Variants in ENTREP2 observed in about 807,000 individuals in gnomAD.
The protein encoded by ENTREP2 is protein ENTREP2.
the ENTREP2 span, among the ~76,000 whole-genome samples, chr15:29,441,909 C>T: frequency 6.6e-6 from 1 of 152,182 alleles, no homozygotes; most frequent in Non-Finnish European, 1.5e-5. Context: ...CCAGTCCAGG[C>T]CCATCTGCTG....
chr15:29,486,388 G>GA, the ENTREP2 span, among the ~76,000 whole-genome samples: 7 of 151,884 alleles, frequency 4.6e-5, no homozygotes, highest in African/African-American at 9.7e-5. Flanking sequence ...CATAAAAAAA[G>GA]AAAAAAAAGA....
the ENTREP2 span, among the ~76,000 whole-genome samples, chr15:29,543,821 A>G: frequency 9.7e-4 from 148 of 151,828 alleles, no homozygotes; most frequent in African/African-American, 2.6e-3. Flanking sequence ...CAAACCCACA[A>G]TCTGACTTTA....
chr15:29,642,676 G>C, the ENTREP2 span, among the ~76,000 whole-genome samples: 4 of 151,526 alleles, frequency 2.6e-5, no homozygotes, highest in Non-Finnish European at 1.5e-5. Context: ...GCAGTGGCAC[G>C]ATCTCGGCTC....
At chr15:29,237,972 G>A in the ENTREP2 span, among the ~76,000 whole-genome samples, 7 of 152,176 alleles carry the variant, frequency 4.6e-5, no homozygotes, top group Admixed American at 1.3e-4. Context: ...ATGGATGAGC[G>A]GATAAACAAA....
At chr15:29,420,818 C>T in the ENTREP2 span, among the ~76,000 whole-genome samples, 3 of 152,204 alleles carry the variant, frequency 2.0e-5, no homozygotes, top group Non-Finnish European at 4.4e-5. Flanking sequence ...AACATCAAAA[C>T]AGGTCTGTGC....
chr15:29,480,628 A>T, the ENTREP2 span, among the ~76,000 whole-genome samples: 1 of 152,142 alleles, frequency 6.6e-6, no homozygotes, highest in Admixed American at 6.5e-5. Flanking sequence ...CCACTCTCCC[A>T]TGTCCCAGCA....
At chr15:29,434,071 A>C in the ENTREP2 span, among the ~76,000 whole-genome samples, 1 of 152,182 alleles carries the variant, frequency 6.6e-6, no homozygotes, top group Non-Finnish European at 1.5e-5. Context: ...GAAACGGATG[A>C]CCAAGGAAAT....
At chr15:29,556,446 G>A in the ENTREP2 span, among the ~76,000 whole-genome samples, 1 of 152,160 alleles carries the variant, frequency 6.6e-6, no homozygotes, top group Non-Finnish European at 1.5e-5. Flanking sequence ...AAGGAAGGAA[G>A]GGAGGGAGGG....
chr15:29,432,473 C>T, the ENTREP2 span, among the ~76,000 whole-genome samples: 2 of 152,210 alleles, frequency 1.3e-5, no homozygotes, highest in Non-Finnish European at 2.9e-5. Flanking sequence ...TGAAGAACTG[C>T]TCTGATGTCT....
chr15:29,587,819 T>C, the ENTREP2 span, among the ~76,000 whole-genome samples: 4 of 151,996 alleles, frequency 2.6e-5, no homozygotes, highest in African/African-American at 9.7e-5. Flanking sequence ...CCACCATGCC[T>C]GGTTAATTTT....
At chr15:29,422,191 A>G in the ENTREP2 span, among the ~76,000 whole-genome samples, 1 of 151,896 alleles carries the variant, frequency 6.6e-6, no homozygotes. Context: ...AATTGCTTGA[A>G]CCCAGGAAGC....
the ENTREP2 span, among the ~76,000 whole-genome samples, chr15:29,334,250 C>T: frequency 4.6e-5 from 7 of 152,172 alleles, no homozygotes; most frequent in Admixed American, 3.9e-4. Context: ...AAGAAGGTCC[C>T]GGGGGATCCT....
the ENTREP2 span, among the ~76,000 whole-genome samples, chr15:29,391,674 C>T: frequency 1.3e-5 from 2 of 152,122 alleles, no homozygotes; most frequent in African/African-American, 4.8e-5. Context: ...TTACGGGTAT[C>T]TACTCTGACA....
the ENTREP2 span, among the ~76,000 whole-genome samples, chr15:29,309,319 G>A: frequency 1.3e-5 from 2 of 152,170 alleles, no homozygotes; most frequent in Non-Finnish European, 2.9e-5. Flanking sequence ...TTGTAGTATT[G>A]TTACCACTGT....
the ENTREP2 span, among the ~76,000 whole-genome samples, chr15:29,340,085 C>T: frequency 3.3e-5 from 5 of 152,352 alleles, no homozygotes; most frequent in South Asian, 1.0e-3. Flanking sequence ...AAGGCTGCTT[C>T]CAAGTTGCTG....
the ENTREP2 span, among the ~76,000 whole-genome samples, chr15:29,616,697 A>G: frequency 2.0e-5 from 3 of 152,208 alleles, no homozygotes; most frequent in Non-Finnish European, 4.4e-5. Context: ...ACAGACAAGT[A>G]TTTTGCTTCC....
chr15:29,530,326 G>A, the ENTREP2 span, among the ~76,000 whole-genome samples: 6 of 152,244 alleles, frequency 3.9e-5, no homozygotes, highest in African/African-American at 1.4e-4. Flanking sequence ...CCTGACCTAT[G>A]GGGAAAAGTG....
chr15:29,550,759 T>C, the ENTREP2 span, among the ~76,000 whole-genome samples: 1 of 152,224 alleles, frequency 6.6e-6, no homozygotes, highest in Non-Finnish European at 1.5e-5. Flanking sequence ...CCTTGTGTCA[T>C]TTATCTTCTT....
At chr15:29,516,888 G>C in the ENTREP2 span, among the ~76,000 whole-genome samples, 2 of 145,412 alleles carry the variant, frequency 1.4e-5, no homozygotes, top group African/African-American at 2.6e-5. Context: ...TCATATTGAG[G>C]AATTTATTCC....
Sources: gnomAD v4.1 joint callset for allele counts (sites outside exome capture counted in the v4.1 genomes callset) on GRCh38, gnomAD v4.1.1 for gene constraint, MANE v1.5 for transcripts, NCBI Gene and HGNC (gene_info 2026-07-23, HGNC 2026-07-21) for gene names.